Variants in PTDSS1 observed in about 807,000 individuals in gnomAD.
PTDSS1 encodes PSS-1.
PTDSS1 carries 45 observed loss-of-function variants against 70.5 expected under a neutral mutation model. The ratio of observed to expected loss-of-function variants is 0.64; its 90% CI spans 0.50 to 0.82. The LOEUF (loss-of-function observed/expected upper bound fraction) is 0.82, where lower values mean the gene tolerates loss of function less well. Among genes scored for constraint, PTDSS1 ranks in the 40% least tolerant of loss-of-function variants. The pLI, the probability that PTDSS1 is intolerant of heterozygous loss-of-function variation, is 0.00. For missense variants in PTDSS1, 417 were observed against 586.1 expected (o/e 0.71, Z 2.98); for synonymous variants, 188 against 203.8 (o/e 0.92, Z 0.66).
intron 4 of PTDSS1, among the ~76,000 whole-genome samples, chr8:96,287,915 G>A (rs1429894960): frequency 1.3e-5 from 2 of 152,028 alleles, no homozygotes; most frequent in Non-Finnish European, 2.9e-5. Flanking sequence ...TAACTTTCCT[G>A]ACACCTGGAG....
chr8:96,307,476 A>C (rs1412743825), intron 8 of PTDSS1, among the ~76,000 whole-genome samples: 2 of 129,514 alleles, frequency 1.5e-5, no homozygotes, highest in South Asian at 2.5e-4. Flanking sequence ...AAAAAAAAAA[A>C]AAACCTCCAG....
At chr8:96,307,441 A>G (rs1811140731) in intron 8 of PTDSS1, among the ~76,000 whole-genome samples, 1 of 131,762 alleles carries the variant, frequency 7.6e-6, no homozygotes, top group Non-Finnish European at 1.6e-5. Context: ...GTCATCATTC[A>G]ATATTACCAA....
At chr8:96,272,301 A>T (rs1423330402) in intron 1 of PTDSS1, among the ~76,000 whole-genome samples, 1 of 152,010 alleles carries the variant, frequency 6.6e-6, no homozygotes, top group African/African-American at 2.4e-5. Context: ...AGTATTTTTT[A>T]AAATTTTTTG....
intron 2 of PTDSS1, among the ~76,000 whole-genome samples, chr8:96,274,372 T>C (rs1586182924): frequency 6.6e-6 from 1 of 152,188 alleles, no homozygotes; most frequent in South Asian, 2.1e-4. Context: ...TCAGGCTTCC[T>C]AAGATGGTGG....
At chr8:96,299,515 T>C (rs1046890046) in intron 5 of PTDSS1, among the ~76,000 whole-genome samples, 179 bp from the exon 6 acceptor site, 2 of 152,210 alleles carry the variant, frequency 1.3e-5, no homozygotes, top group Admixed American at 6.5e-5. Context: ...ATCTGCAATA[T>C]AAAAAACAAG....
chr8:96,307,600 G>C (rs568776604), intron 8 of PTDSS1, among the ~76,000 whole-genome samples: 6 of 152,140 alleles, frequency 3.9e-5, no homozygotes, highest in Admixed American at 3.9e-4. Flanking sequence ...TAAGCCAGCA[G>C]CCCTTTGAAA....
chr8:96,282,715 A>C (rs1285539859), intron 2 of PTDSS1, among the ~76,000 whole-genome samples: 1 of 152,228 alleles, frequency 6.6e-6, no homozygotes, highest in African/African-American at 2.4e-5. Context: ...TTTTAAGAAT[A>C]TATAGATGAT....
At chr8:96,321,103 CAT>C (rs1453540218) in intron 10 of PTDSS1, among the ~76,000 whole-genome samples, 3 of 152,190 alleles carry the variant, frequency 2.0e-5, no homozygotes, top group African/African-American at 4.8e-5. Context: ...AAATTTCAGA[CAT>C]GTGCAAATAG....
chr8:96,290,535 G>C (rs979607390), intron 4 of PTDSS1, among the ~76,000 whole-genome samples: 2 of 152,166 alleles, frequency 1.3e-5, no homozygotes, highest in Admixed American at 6.5e-5. Flanking sequence ...AATCTTTCTT[G>C]CCAAAGTAAA....
intron 2 of PTDSS1, among the ~76,000 whole-genome samples, chr8:96,277,865 GC>G (rs1340722187): frequency 6.6e-6 from 1 of 152,226 alleles, no homozygotes; most frequent in East Asian, 1.9e-4. Flanking sequence ...TAGTCAGGAT[GC>G]TTTTGACTGC....
intron 1 of PTDSS1, among the ~76,000 whole-genome samples, chr8:96,269,451 G>T (rs558616463): frequency 1.3e-5 from 2 of 152,158 alleles, no homozygotes; most frequent in African/African-American, 4.8e-5. Flanking sequence ...AAGTCAAGGC[G>T]GTGTCACAGC....
At chr8:96,290,341 A>G (rs1810884979) in intron 4 of PTDSS1, among the ~76,000 whole-genome samples, 2 of 152,172 alleles carry the variant, frequency 1.3e-5, no homozygotes, top group African/African-American at 2.4e-5. Context: ...TTGCAGGTGG[A>G]TGTGCTTGTG....
rs561082561 is a variant in PTDSS1, at chr8:96,262,378, G to A, written c.179+159G>A. Among the ~76,000 whole-genome samples the A allele has an allele frequency of 2.0e-5, 3 of 152,084 alleles. No homozygotes were observed. The highest frequency in any genetic ancestry group is 1.3e-4 in the Admixed American group (2 of 15,286). On this transcript the variant is annotated intron_variant, in intron 1 of 12. Transcript: ENST00000517309. This position sits in a 1 kb window ranked among gnomAD's most constrained non-coding sequence, Gnocchi z 4.4. The stretch of plus-strand genomic sequence containing the variant: ...AGCCCGCCGCCCACGCGGCCCCTCC[G>A]CCCGCCCGGTGTCTCACAGTACGCT...
intron 9 of PTDSS1, among the ~76,000 whole-genome samples, chr8:96,317,907 G>GTGTGTA (rs1554585823): frequency 2.3e-5 from 2 of 85,142 alleles, no homozygotes; most frequent in Non-Finnish European, 5.3e-5. Flanking sequence ...GTGTGTGTGT[G>GTGTGTA]TGTGTGTGTG....
chr8:96,324,332 C>G (rs1811410455), intron 10 of PTDSS1, among the ~76,000 whole-genome samples: 2 of 152,226 alleles, frequency 1.3e-5, no homozygotes. Context: ...CTTTCAGCCT[C>G]TACCCATTAG....
intron 9 of PTDSS1, among the ~76,000 whole-genome samples, chr8:96,318,648 G>T (rs1586207354): frequency 6.6e-6 from 1 of 152,184 alleles, no homozygotes; most frequent in East Asian, 1.9e-4. Context: ...GCTTTGTGGA[G>T]CAGTGCTTTA....
chr8:96,329,621 A>T (rs1158476629), intron 10 of PTDSS1, among the ~76,000 whole-genome samples: 5 of 152,200 alleles, frequency 3.3e-5, no homozygotes, highest in Non-Finnish European at 7.3e-5. Flanking sequence ...CCTTAAGAGC[A>T]TCTTTATTTT....
At chr8:96,275,554 C>G (rs551347043) in intron 2 of PTDSS1, among the ~76,000 whole-genome samples, 2 of 152,136 alleles carry the variant, frequency 1.3e-5, no homozygotes, top group Non-Finnish European at 2.9e-5. Context: ...CTTATGTAGA[C>G]CCTCCTCTCC....
intron 10 of PTDSS1, among the ~76,000 whole-genome samples, chr8:96,327,596 C>T (rs1811455902): frequency 6.6e-6 from 1 of 152,164 alleles, no homozygotes. Flanking sequence ...AAAAGCAAAG[C>T]CCCTAATTAC....
Sources: gnomAD v4.1 joint callset for allele counts (sites outside exome capture counted in the v4.1 genomes callset) on GRCh38, gnomAD v4.1.1 for gene constraint, Gnocchi (gnomAD v3.1) non-coding constraint, MANE v1.5 for transcripts, NCBI Gene and HGNC (gene_info 2026-07-23, HGNC 2026-07-21) for gene names.